The following CNNM2 variants were observed in gnomAD, a reference collection of about 807,000 sequenced individuals.
CNNM2 encodes the protein cyclin and CBS domain divalent metal cation transport mediator 2.
CNNM2 carries 12 observed loss-of-function variants against 66.9 expected under a neutral mutation model. The observed-to-expected ratio is 0.18, with a 90% CI of 0.11 to 0.29. The LOEUF (loss-of-function observed/expected upper bound fraction) is 0.29, where lower values mean the gene tolerates loss of function less well. Ranked by LOEUF, CNNM2 falls within the 10% of genes least tolerant of loss-of-function variation. The pLI, the probability that CNNM2 is intolerant of heterozygous loss-of-function variation, is 1.00. For missense variants in CNNM2, 705 were observed against 1,167.7 expected, an observed-to-expected ratio of 0.60 and a Z score of 5.77; for synonymous variants, 557 against 501.8, an observed-to-expected ratio of 1.11 and a Z score of -1.47.
At position 102,949,615 on chromosome 10, in the gene CNNM2, C is replaced by T. The variant is rs116939935; in HGVS notation, c.1621+29514C>T. Among the ~76,000 whole-genome samples, 615 of 152,112 alleles carry T rather than the reference C, an allele frequency of 4.0e-3. 20 individuals carry two copies. In the East Asian group the frequency reaches 0.073, roughly 18 times the overall value. On this transcript the variant is annotated intron_variant, in intron 1 of 7. Coordinates refer to ENST00000369878, the MANE Select transcript of CNNM2 (RefSeq NM_017649.5). The stretch of plus-strand genomic sequence containing the variant: ...CCTGGCCAATATGGAGAAACCCCAT[C>T]TCTACTGAGAAAATACTAAAAATAC...
At chr10:102,988,702 A>T (rs1890184) in intron 1 of CNNM2, among the ~76,000 whole-genome samples, 1 of 151,756 alleles carries the variant, frequency 6.6e-6, no homozygotes, top group Admixed American at 6.6e-5. Context: ...TTCTGCCCAC[A>T]CCCTATCTTT....
chr10:102,943,443 A>C (rs1481369853), intron 1 of CNNM2, among the ~76,000 whole-genome samples: 1 of 152,112 alleles, frequency 6.6e-6, no homozygotes, highest in Non-Finnish European at 1.5e-5. Context: ...CCCATCTCTA[A>C]AACAAAAAAC....
At chr10:103,069,671 C>T (rs936757708) in intron 5 of CNNM2, among the ~76,000 whole-genome samples, 1 of 152,180 alleles carries the variant, frequency 6.6e-6, no homozygotes, top group Non-Finnish European at 1.5e-5. Context: ...CAGACATGAA[C>T]ACAGATAGAT....
chr10:103,009,781 A>T (rs2064305029), intron 1 of CNNM2, among the ~76,000 whole-genome samples: 1 of 152,076 alleles, frequency 6.6e-6, no homozygotes, highest in Non-Finnish European at 1.5e-5. Flanking sequence ...ACAGTGTCTA[A>T]ATGAGATATA....
rs1382991528 is a variant in CNNM2 at position 102,919,317 on chromosome 10, C to T, written c.837C>T (p.Leu279=). ...TGTTCAGCGGCCTCAACCTGGGGCT[C>T]ATGGCCCTGGACCCGATGGAGCTGC... ...SGMFSGLNLG[L]MALDPMELRI... The change falls in exon 1 of 8, where the codon CTC becomes CTT. Residue 279 remains leucine, a synonymous_variant. Coordinates refer to ENST00000369878, the MANE Select transcript of CNNM2 (RefSeq NM_017649.5). 6.2e-7 allele frequency: 1 copy of T among 1,613,802 alleles called. No individual in the cohort carries two copies. Among genetic ancestry groups the T allele is most frequent in the South Asian group, 1.1e-5 (1 of 91,082 alleles).
rs11300982 is a variant in CNNM2, at chr10:103,032,661, CTTT to C, written c.1622-17027_1622-17025del. Among the ~76,000 whole-genome samples, 14,970 of 120,480 alleles carry C rather than the reference CTTT, an allele frequency of 0.12. 788 individuals carry two copies. The highest frequency in any genetic ancestry group is 0.21 in the Middle Eastern group (47 of 226). The allele number at this position is 120,480 out of a possible 152,430, so 79.0% of individuals were successfully genotyped here. On this transcript the variant is annotated intron_variant, in intron 1 of 7. Transcript: ENST00000369878. ...GCCTTTCATAACAATTGATGTAGCT[CTTT>C]TTTTTTTTTTTTTTTTTTAAATAGC...
At chr10:103,015,864 A>G (rs1326808419) in intron 1 of CNNM2, among the ~76,000 whole-genome samples, 1 of 152,074 alleles carries the variant, frequency 6.6e-6, no homozygotes, top group East Asian at 1.9e-4. Context: ...AAAAAACAAC[A>G]ACAAAAAACA....
At chr10:102,960,157 CA>C (rs2063357735) in intron 1 of CNNM2, among the ~76,000 whole-genome samples, 17 of 152,270 alleles carry the variant, frequency 1.1e-4, no homozygotes, top group Admixed American at 1.0e-3. Context: ...GTGAAGAGCT[CA>C]GCACAGTGCC....
chr10:103,076,525 A>G (rs2065693892), intron 7 of CNNM2, among the ~76,000 whole-genome samples: 1 of 152,224 alleles, frequency 6.6e-6, no homozygotes, highest in Admixed American at 6.5e-5. Context: ...AATGGGAGCC[A>G]GAGATCCTGG....
intron 1 of CNNM2, among the ~76,000 whole-genome samples, chr10:102,969,995 A>G (rs2063525005): frequency 6.6e-6 from 1 of 152,206 alleles, no homozygotes; most frequent in Admixed American, 6.5e-5. Context: ...TATGTGAAGA[A>G]TCCAGACACT....
intron 4 of CNNM2, among the ~76,000 whole-genome samples, chr10:103,060,522 G>A (rs2065366926): frequency 6.6e-6 from 1 of 152,130 alleles, no homozygotes; most frequent in African/African-American, 2.4e-5. Context: ...TCCAGCCTGA[G>A]GGACAGAGTG....
intron 1 of CNNM2, among the ~76,000 whole-genome samples, chr10:102,986,200 T>C (rs1359900743): frequency 6.6e-6 from 1 of 152,220 alleles, no homozygotes; most frequent in Non-Finnish European, 1.5e-5. Flanking sequence ...CAACTAGATA[T>C]TTGACAATCT....
Position 103,085,963 on chromosome 10 carries a change from G to A in CNNM2, c.*8783G>A, listed in dbSNP as rs1423078394. ...AACATGCTGCCTGTTTAAAGGACTT[G>A]CTTTCTGCTGTTTCTAGATACCTAG... On this transcript the variant is annotated 3_prime_UTR_variant, in exon 8 of 8. Transcript: ENST00000369878. 6.6e-6 allele frequency: 1 copy of A among 152,236 alleles called. No individual in the cohort carries two copies. The highest frequency in any genetic ancestry group is 1.5e-5 in the Non-Finnish European group (1 of 68,016). The allele number at this position is 152,236 out of a possible 1,614,324, so 9.4% of individuals were successfully genotyped here. A position where few individuals can be genotyped will look rare whatever the true frequency, so the allele number is the denominator to read the frequency against.
intron 4 of CNNM2, among the ~76,000 whole-genome samples, chr10:103,068,117 T>G (rs1247071465): frequency 2.0e-5 from 3 of 152,316 alleles, no homozygotes; most frequent in Middle Eastern, 3.4e-3. Context: ...GTCCCACTGA[T>G]GGAGCAAGAG....
chr10:102,983,208 T>C (rs899995876), intron 1 of CNNM2, among the ~76,000 whole-genome samples: 2 of 151,310 alleles, frequency 1.3e-5, no homozygotes, highest in Admixed American at 6.6e-5. Context: ...TAATGACAAG[T>C]TTTTTTGTGT....
intron 1 of CNNM2, among the ~76,000 whole-genome samples, chr10:103,038,913 A>G (rs2064989719): frequency 6.6e-6 from 1 of 151,994 alleles, no homozygotes; most frequent in Non-Finnish European, 1.5e-5. Context: ...TCTGTGTCAC[A>G]TTTTTCTGGT....
intron 1 of CNNM2, among the ~76,000 whole-genome samples, chr10:102,971,408 G>GT (rs1193918638): frequency 1.3e-5 from 2 of 151,970 alleles, no homozygotes; most frequent in African/African-American, 2.4e-5. Flanking sequence ...TTGTTTATTG[G>GT]TTTTTTTAAG....
chr10:103,087,236 T>A lies in CNNM2; in HGVS notation c.*10056T>A, dbSNP rs1353961647. On this transcript the variant is annotated 3_prime_UTR_variant, in exon 8 of 8. Coordinates refer to ENST00000369878, the MANE Select transcript of CNNM2 (RefSeq NM_017649.5). ...CTACTGGCAACAGAGAGAAAACTCA[T>A]AATTTGTTTTAAAAAGCCCAGTTAC... 7.4e-6 allele frequency: 1 copy of A among 134,234 alleles called. No homozygotes were observed. Among genetic ancestry groups the A allele is most frequent in the Non-Finnish European group, 1.5e-5 (1 of 64,828 alleles). 8.3% of individuals were successfully genotyped at this position (134,234 alleles called of 1,614,324 possible). A position where few individuals can be genotyped will look rare whatever the true frequency, so the allele number is the denominator to read the frequency against.
rs34778766 is a variant in CNNM2 at position 102,977,972 on chromosome 10, T to C, written c.1621+57871T>C. On this transcript the variant is annotated intron_variant, in intron 1 of 7. Transcript: ENST00000369878. ...TTGCCCAGGCTGGAGTGCAATGGTGTGATCTCTGCTCACCACAACCTCCAC... is the reference window on the plus strand; with the variant it reads ...TTGCCCAGGCTGGAGTGCAATGGTGCGATCTCTGCTCACCACAACCTCCAC... 0.31 allele frequency among the ~76,000 whole-genome samples: 47,365 copies of C among 151,714 alleles called. 7,508 individuals carry two copies. The highest frequency in any genetic ancestry group is 0.37 in the Middle Eastern group (109 of 294).
Sources: gnomAD v4.1 joint callset for allele counts (sites outside exome capture counted in the v4.1 genomes callset) on GRCh38, gnomAD v4.1.1 for gene constraint, MANE v1.5 for transcripts, NCBI Gene and HGNC (gene_info 2026-07-23, HGNC 2026-07-21) for gene names.